KCNG3: variants seen among roughly 807,000 people sequenced by gnomAD.
KCNG3 encodes potassium voltage-gated channel modifier subfamily G member 3.
KCNG3 carries 15 observed loss-of-function variants against 29.0 expected under a neutral mutation model. The ratio of observed to expected loss-of-function variants is 0.52; its 90% confidence interval spans 0.35 to 0.80. KCNG3 has a LOEUF of 0.80. Ranked by LOEUF, KCNG3 falls within the 30% of genes least tolerant of loss-of-function variation. KCNG3 has a pLI of 0.01. For missense variants in KCNG3, 512 were observed against 605.7 expected (o/e 0.85, Z 1.62); for synonymous variants, 322 against 248.9 (o/e 1.29, Z -2.76).
chr2:42,440,605 T>C (rs1672451817), downstream of KCNG3, among the ~76,000 whole-genome samples: 1 of 152,128 alleles, frequency 6.6e-6, no homozygotes, highest in Non-Finnish European at 1.5e-5. Context: ...ACAGGACATC[T>C]GGACAAAGGT....
At chr2:42,468,440 GTACAGCTATATCAGCAAAAGGCAGAAAT>G (rs1184059923) in intron 1 of KCNG3, among the ~76,000 whole-genome samples, 1 of 152,090 alleles carries the variant, frequency 6.6e-6, no homozygotes, top group Non-Finnish European at 1.5e-5. Context: ...AAAATCAACT[GTACAGCTATATCAGCAAAAGGCAGAAAT>G]TATAATTTTT....
chr2:42,485,506 G>A (rs2103736141), intron 1 of KCNG3, among the ~76,000 whole-genome samples: 1 of 151,796 alleles, frequency 6.6e-6, no homozygotes, highest in Admixed American at 6.6e-5. Flanking sequence ...GTGCAGTAGT[G>A]TTATCTCGGC....
intron 1 of KCNG3, among the ~76,000 whole-genome samples, chr2:42,472,890 G>GATATAT (rs35812622): frequency 5.6e-5 from 7 of 124,164 alleles, no homozygotes; most frequent in South Asian, 2.6e-4. Flanking sequence ...TCTATCGATA[G>GATATAT]ATATATATAT....
At position 42,442,667 on chromosome 2, in the gene KCNG3, C is replaced by T. The variant is rs1042722095; in HGVS notation, c.*1267G>A. 2.0e-5 allele frequency: 3 copies of T among 152,304 alleles called. No individual in the cohort carries two copies. Among genetic ancestry groups the T allele is most frequent in the East Asian group, 1.9e-4 (1 of 5,188 alleles). The allele number at this position is 152,304 out of a possible 1,614,324, so 9.4% of individuals were successfully genotyped here. A position where few individuals can be genotyped will look rare whatever the true frequency, so the allele number is the denominator to read the frequency against. On this transcript the variant is annotated 3_prime_UTR_variant, in exon 2 of 2. Transcript: ENST00000306078. ...CACTAATTATTTGTGTTTATATATA[C>T]ACTAACTTCTTTATGGTAACTGGTT...
the KCNG3 span, among the ~76,000 whole-genome samples, chr2:42,415,960 C>T: frequency 2.0e-5 from 3 of 152,036 alleles, no homozygotes; most frequent in Non-Finnish European, 4.4e-5. Flanking sequence ...TTTGGGAGGC[C>T]GATGTGGGTG....
the KCNG3 span, among the ~76,000 whole-genome samples, chr2:42,408,855 C>G: frequency 1.3e-5 from 2 of 152,172 alleles, no homozygotes; most frequent in African/African-American, 4.8e-5. Context: ...TTTGCGGAGC[C>G]CAAAACTGGG....
chr2:42,392,416 G>C, the KCNG3 span, among the ~76,000 whole-genome samples: 1 of 152,104 alleles, frequency 6.6e-6, no homozygotes, highest in African/African-American at 2.4e-5. Flanking sequence ...TGCCAGGGGA[G>C]GATGGGTGTC....
At chr2:42,424,436 TA>T in the KCNG3 span, among the ~76,000 whole-genome samples, 17,186 of 138,254 alleles carry the variant, frequency 0.12, 1,033 homozygotes, top group South Asian at 0.27. Flanking sequence ...TCCGTCCCTT[TA>T]AAAAAAAAAA....
downstream of KCNG3, among the ~76,000 whole-genome samples, chr2:42,438,042 T>C (rs534612869): frequency 1.4e-4 from 22 of 152,202 alleles, no homozygotes; most frequent in South Asian, 4.6e-3. Flanking sequence ...TATTACTCTC[T>C]ACTAAGAAAG....
chr2:42,456,527 A>C (rs543785458), intron 1 of KCNG3, among the ~76,000 whole-genome samples: 5 of 152,288 alleles, frequency 3.3e-5, no homozygotes, highest in South Asian at 4.1e-4. Flanking sequence ...AACAAACAAA[A>C]AAAGATTTGT....
At chr2:42,420,080 C>A in the KCNG3 span, among the ~76,000 whole-genome samples, 41 of 151,982 alleles carry the variant, frequency 2.7e-4, no homozygotes, top group Non-Finnish European at 4.1e-4. Context: ...AAAAATTAGC[C>A]GGGCATGGTG....
rs913466229 is a variant in KCNG3, at chr2:42,493,271, C to T, written c.231G>A (p.Val77=). The change falls in exon 1 of 2, where the codon GTG becomes GTA. Residue 77 remains valine, a synonymous_variant. Coordinates refer to ENST00000306078, the MANE Select transcript of KCNG3 (RefSeq NM_133329.6). Reference sequence around the variant, plus strand: ...CGAAGCGCAGCTTGCCGTGGCCGCGCACGTAGAGCAGGATGAAGCCGAAGG... The same window carrying T: ...CGAAGCGCAGCTTGCCGTGGCCGCGTACGTAGAGCAGGATGAAGCCGAAGG... ...SEAFGFILLY[V]RGHGKLRFAP... is the part of the protein sequence containing the mutation. 1.2e-5 allele frequency: 19 copies of T among 1,612,154 alleles called. No homozygotes were observed. Among genetic ancestry groups the T allele is most frequent in the African/African-American group, 4.0e-5 (3 of 74,934 alleles).
rs895904156 is a variant in KCNG3, at chr2:42,442,978, G to C, written c.*956C>G. 6.6e-6 allele frequency: 1 copy of C among 152,154 alleles called. No homozygotes were observed. The highest frequency in any genetic ancestry group is 1.5e-5 in the Non-Finnish European group (1 of 68,006). 9.4% of individuals were successfully genotyped at this position (152,154 alleles called of 1,614,324 possible). ...ATGATAATCCAGTGACAACACGTAAGTATGACTTTGCTACTAAAAGGCTAT... is the reference window on the plus strand; with the variant it reads ...ATGATAATCCAGTGACAACACGTAACTATGACTTTGCTACTAAAAGGCTAT... On this transcript the variant is annotated 3_prime_UTR_variant, in exon 2 of 2. Coordinates refer to ENST00000306078, the MANE Select transcript of KCNG3 (RefSeq NM_133329.6).
the KCNG3 span, among the ~76,000 whole-genome samples, chr2:42,428,645 A>C: frequency 2.0e-5 from 3 of 152,134 alleles, no homozygotes; most frequent in African/African-American, 7.2e-5. Flanking sequence ...ATATTTCCAA[A>C]TTAGATCAAA....
Position 42,492,843 on chromosome 2 carries a change from G to T in KCNG3, c.659C>A (p.Pro220His), listed in dbSNP as rs1038653495. ...SRYSAGPGRE[P>H]SGIIEAICIG... ...GAGAAGCAGTGCGTCCTACCCGGAG[G>T]GCTCCCTCCCAGGGCCGGCGGAGTA... Residue 220 changes from proline to histidine, a missense_variant, in exon 1 of 2, where the codon CCC becomes CAC. This residue lies in a region of KCNG3 where 228 missense variants were observed against 200.0 expected (regional missense o/e 1.14). Transcript: ENST00000306078. 1.3e-6 allele frequency: 2 copies of T among 1,496,222 alleles called. No homozygotes were observed. The highest frequency in any genetic ancestry group is 2.5e-5 in the East Asian group (1 of 40,298). The allele number at this position is 1,496,222 out of a possible 1,614,324, so 92.7% of individuals were successfully genotyped here.
the KCNG3 span, among the ~76,000 whole-genome samples, chr2:42,419,522 G>A: frequency 6.6e-6 from 1 of 151,698 alleles, no homozygotes; most frequent in East Asian, 2.0e-4. Context: ...GATTACAGGC[G>A]TATCCCACCT....
intron 1 of KCNG3, among the ~76,000 whole-genome samples, chr2:42,470,773 G>C (rs1294760187): frequency 6.6e-6 from 1 of 151,864 alleles, no homozygotes; most frequent in Non-Finnish European, 1.5e-5. Flanking sequence ...GTACTCAGGA[G>C]GCTGACATGG....
chr2:42,390,714 G>C, the KCNG3 span, among the ~76,000 whole-genome samples: 2 of 152,132 alleles, frequency 1.3e-5, no homozygotes, highest in African/African-American at 4.8e-5. Flanking sequence ...TCTTTCCTTA[G>C]AGAGGCCTGT....
the KCNG3 span, among the ~76,000 whole-genome samples, chr2:42,403,440 G>A: frequency 5.4e-5 from 8 of 148,698 alleles, no homozygotes; most frequent in Non-Finnish European, 1.2e-4. Flanking sequence ...ACCATACCTG[G>A]CTTATTGTTT....
Sources: gnomAD v4.1 joint callset for allele counts (sites outside exome capture counted in the v4.1 genomes callset) on GRCh38, gnomAD v4.1.1 for gene constraint, gnomAD v4.1.1 regional missense constraint, MANE v1.5 for transcripts, NCBI Gene and HGNC (gene_info 2026-07-23, HGNC 2026-07-21) for gene names.